The following CGREF1 variants were observed in gnomAD, a reference collection of about 807,000 sequenced individuals.
CGREF1 encodes cell growth regulator with EF-hand domain 1.
Under a neutral mutation model 17.4 loss-of-function variants are expected in CGREF1, and 16 were observed. That is an observed-to-expected ratio of 0.92 (90% CI 0.62 to 1.40). The LOEUF (loss-of-function observed/expected upper bound fraction) is 1.40. Ranked by LOEUF, CGREF1 falls within the 40% of genes most tolerant of loss-of-function variation. The pLI, the probability that CGREF1 is intolerant of heterozygous loss-of-function variation, is 0.00. For missense variants in CGREF1, 296 were observed against 376.4 expected, an observed-to-expected ratio of 0.79 and a Z score of 1.77; for synonymous variants, 142 against 154.6, an observed-to-expected ratio of 0.92 and a Z score of 0.61.
chr2:27,099,879 G>A, downstream of CGREF1: 1 of 1,548,144 alleles, frequency 6.5e-7, no homozygotes, highest in Non-Finnish European at 8.7e-7. Flanking sequence ...GGAGGACTCT[G>A]CCTGTGTCCT....
downstream of CGREF1, chr2:27,100,499 A>G (rs1431623294): frequency 1.5e-6 from 2 of 1,291,044 alleles, no homozygotes; most frequent in Admixed American, 2.3e-5. Flanking sequence ...GATCTGGAAC[A>G]CATATTGGAA....
chr2:27,103,907 C>T (rs563142682), intron 2 of CGREF1, among the ~76,000 whole-genome samples: 29 of 152,164 alleles, frequency 1.9e-4, no homozygotes, highest in African/African-American at 5.8e-4. Context: ...TGCTTGAACC[C>T]GGGAGGCGGA....
At position 27,114,080 on chromosome 2, in the gene CGREF1, C is replaced by T. The variant is rs1346873320; in HGVS notation, c.-12+4766G>A. On this transcript the variant is annotated intron_variant, in intron 1 of 5. Coordinates refer to ENST00000402394, the MANE Select transcript of CGREF1 (RefSeq NM_006569.6). Reference sequence around the variant, plus strand: ...CGTGATCTCGGCTCACTGCAACCTCCGTCTCCCAGGTTCAACCAATTCTCC... The same window carrying T: ...CGTGATCTCGGCTCACTGCAACCTCTGTCTCCCAGGTTCAACCAATTCTCC... 3.3e-5 allele frequency among the ~76,000 whole-genome samples: 5 copies of T among 150,804 alleles called. No individual in the cohort carries two copies. The East Asian group carries it at 5.8e-4, about 18-fold the overall frequency.
In CGREF1 at chr2:27,116,871, T is replaced by TTCTCTCTCTCTCTCTC. The variant is rs537582075; in HGVS notation, c.-12+1959_-12+1974dup. Among the ~76,000 whole-genome samples the TTCTCTCTCTCTCTCTC allele has an allele frequency of 4.5e-3, 152 of 33,640 alleles. 3 individuals are homozygous for TTCTCTCTCTCTCTCTC. The highest frequency in any genetic ancestry group is 0.011 in the South Asian group (7 of 642). 22.1% of individuals were successfully genotyped at this position (33,640 alleles called of 152,430 possible). Reference sequence around the variant, plus strand: ...GGGATGAGCCACCAGGCCAGGCCTATTCTCTCTCTCTCTCTCTCTCTCTCT... The same window carrying TTCTCTCTCTCTCTCTC: ...GGGATGAGCCACCAGGCCAGGCCTATTCTCTCTCTCTCTCTCTCTCTCTCTCTCTCTCTCTCTCTCT... On this transcript the variant is annotated intron_variant, in intron 1 of 5. Transcript: ENST00000402394.
intron 1 of CGREF1, among the ~76,000 whole-genome samples, chr2:27,116,925 T>TCTCTCTCTCTCTCTCTCTG: frequency 1.6e-5 from 1 of 62,144 alleles, no homozygotes; most frequent in Admixed American, 1.8e-4. Flanking sequence ...CTCTCTCTCT[T>TCTCTCTCTCTCTCTCTCTG]TTTTTGAGAC....
chr2:27,099,430 G>A, downstream of CGREF1: 2 of 1,613,954 alleles, frequency 1.2e-6, no homozygotes, highest in Non-Finnish European at 1.7e-6. Context: ...GGCTGTGCTT[G>A]TCTGTGCCTG....
intron 1 of CGREF1, among the ~76,000 whole-genome samples, chr2:27,114,187 G>A (rs1390911496): frequency 2.6e-5 from 4 of 151,908 alleles, no homozygotes; most frequent in Non-Finnish European, 4.4e-5. Flanking sequence ...TAGAGACGGG[G>A]TTTCACCATG....
intron 1 of CGREF1, among the ~76,000 whole-genome samples, chr2:27,106,361 T>C (rs569816777): frequency 1.3e-5 from 2 of 152,354 alleles, no homozygotes; most frequent in East Asian, 3.9e-4. Flanking sequence ...TTGAGCTGCC[T>C]GTCAGTGTGC....
At chr2:27,099,693 C>T (rs751726377), downstream of CGREF1, 14 of 1,613,996 alleles carry the variant, frequency 8.7e-6, no homozygotes, top group Middle Eastern at 1.6e-4. Flanking sequence ...CACTGAGATT[C>T]GGGTGCCAGG....
intron 1 of CGREF1, among the ~76,000 whole-genome samples, chr2:27,114,554 T>C (rs1465287311): frequency 6.6e-6 from 1 of 152,200 alleles, no homozygotes; most frequent in Non-Finnish European, 1.5e-5. Flanking sequence ...TTACATGACT[T>C]CCAAGTCCAA....
chr2:27,111,829 G>A (rs1020329898), intron 1 of CGREF1, among the ~76,000 whole-genome samples: 1 of 151,978 alleles, frequency 6.6e-6, no homozygotes, highest in Non-Finnish European at 1.5e-5. Flanking sequence ...GCGCAGCCCC[G>A]GTTCGCGCTC....
chr2:27,111,569 C>T (rs1671385342), intron 1 of CGREF1, among the ~76,000 whole-genome samples: 1 of 152,188 alleles, frequency 6.6e-6, no homozygotes, highest in Non-Finnish European at 1.5e-5. Context: ...CAGGGGGTGG[C>T]GCTCGTTGGG....
downstream of CGREF1, chr2:27,099,591 C>A (rs1344276863): frequency 6.2e-7 from 1 of 1,614,002 alleles, no homozygotes; most frequent in Non-Finnish European, 8.5e-7. Context: ...AGTATGGCAG[C>A]AGGAGGGGAA....
At chr2:27,103,233 C>G (rs1431738493) in intron 2 of CGREF1, 1 of 332,642 alleles carries the variant, frequency 3.0e-6, no homozygotes, top group East Asian at 1.7e-4. Flanking sequence ...GCTACCAGCC[C>G]CTGTGGCTGT....
At chr2:27,105,426 C>A (rs1464957494) in intron 1 of CGREF1, among the ~76,000 whole-genome samples, 1 of 152,188 alleles carries the variant, frequency 6.6e-6, no homozygotes, top group Admixed American at 6.5e-5. Flanking sequence ...AGGTAAGCAC[C>A]TGGCTAATGG....
chr2:27,115,312 C>T (rs1409459085), intron 1 of CGREF1, among the ~76,000 whole-genome samples: 5 of 152,198 alleles, frequency 3.3e-5, no homozygotes, highest in Admixed American at 2.6e-4. Flanking sequence ...ATGTACCCCT[C>T]ATATATTTAA....
At chr2:27,108,982 T>C (rs1257526222) in intron 1 of CGREF1, among the ~76,000 whole-genome samples, 1 of 152,012 alleles carries the variant, frequency 6.6e-6, no homozygotes, top group Non-Finnish European at 1.5e-5. Flanking sequence ...CTCAACTTTG[T>C]TGCCCAGGCT....
chr2:27,116,911 C>CTCTCTCTCTCTCTT, intron 1 of CGREF1, among the ~76,000 whole-genome samples: 1 of 96,092 alleles, frequency 1.0e-5, no homozygotes, highest in East Asian at 2.7e-4. Context: ...CTCTCTCTCT[C>CTCTCTCTCTCTCTT]TCTCTCTCTC....
chr2:27,107,347 C>G (rs114268965), intron 1 of CGREF1, among the ~76,000 whole-genome samples: 1 of 151,976 alleles, frequency 6.6e-6, no homozygotes, highest in African/African-American at 2.4e-5. Flanking sequence ...CTCTGCCTCC[C>G]GAGTTCCAGC....
Sources: allele counts gnomAD v4.1 joint callset (sites outside exome capture counted in the v4.1 genomes callset), GRCh38; gene constraint gnomAD v4.1.1; transcripts MANE v1.5; gene names NCBI Gene and HGNC (gene_info 2026-07-23, HGNC 2026-07-21).